TCF7L2: variants seen among roughly 807,000 people sequenced by gnomAD.
TCF7L2 encodes the protein transcription factor 7 like 2.
A neutral mutation model predicts 77.9 loss-of-function variants in TCF7L2; 23 were observed. That is an observed-to-expected ratio of 0.30 (90% CI 0.21 to 0.42). TCF7L2 has a LOEUF of 0.42. Ranked by LOEUF, TCF7L2 falls within the 10% of genes least tolerant of loss-of-function variation. The pLI, the probability that TCF7L2 is intolerant of heterozygous loss-of-function variation, is 1.00. For synonymous variants in TCF7L2, 413 were observed against 340.2 expected, an observed-to-expected ratio of 1.21 and a Z score of -2.36; for missense variants, 654 against 793.1, an observed-to-expected ratio of 0.82 and a Z score of 2.11.
chr10:113,141,361 G>A (rs1391824579), intron 6 of TCF7L2, 45 bp downstream of exon 6: 3 of 1,612,942 alleles, frequency 1.9e-6, no homozygotes, highest in African/African-American at 1.3e-5. Context: ...TGGTCCTGGG[G>A]TTCTGGGGGA....
intron 4 of TCF7L2, among the ~76,000 whole-genome samples, chr10:113,004,776 G>A (rs1467256740): frequency 2.0e-5 from 3 of 151,930 alleles, no homozygotes; most frequent in South Asian, 2.1e-4. Flanking sequence ...GGGTTCAAGC[G>A]ATTCTCCTGC....
At chr10:112,966,736 T>G (rs1018664322) in intron 4 of TCF7L2, among the ~76,000 whole-genome samples, 1 of 152,204 alleles carries the variant, frequency 6.6e-6, no homozygotes, top group Admixed American at 6.5e-5. Flanking sequence ...GAGCAGTTCG[T>G]CTTTCTCCAA....
chr10:113,054,040 C>T (rs558899480), intron 5 of TCF7L2, among the ~76,000 whole-genome samples: 3 of 152,160 alleles, frequency 2.0e-5, no homozygotes, highest in East Asian at 1.9e-4. Flanking sequence ...AGGCTGGTGC[C>T]GGTCAGGCTA....
At chr10:113,137,598 A>G (rs1009262658) in intron 5 of TCF7L2, among the ~76,000 whole-genome samples, 1 of 152,220 alleles carries the variant, frequency 6.6e-6, no homozygotes, top group African/African-American at 2.4e-5. Flanking sequence ...GCACAGTTGT[A>G]ATTGAGATAG....
intron 5 of TCF7L2, among the ~76,000 whole-genome samples, chr10:113,052,444 A>T (rs141430193): frequency 1.3e-5 from 2 of 152,236 alleles, no homozygotes; most frequent in Admixed American, 6.5e-5. Context: ...TACTGGATCT[A>T]TCGGAGCCCT....
intron 7 of TCF7L2, among the ~76,000 whole-genome samples, chr10:113,144,322 C>T (rs894404277): frequency 1.3e-5 from 2 of 152,108 alleles, no homozygotes; most frequent in Non-Finnish European, 2.9e-5. Context: ...CCCTGCAGTT[C>T]CTTTGGGAAT....
At chr10:113,098,049 C>CAAAAAAAAAAA (rs34632183) in intron 5 of TCF7L2, among the ~76,000 whole-genome samples, 3 of 59,368 alleles carry the variant, frequency 5.1e-5, no homozygotes, top group African/African-American at 2.1e-4. Flanking sequence ...GACTCTGTCT[C>CAAAAAAAAAAA]AAAAAAAAAA....
chr10:112,956,344 CTTTTTTT>C (rs10711698), intron 3 of TCF7L2, among the ~76,000 whole-genome samples: 10 of 112,242 alleles, frequency 8.9e-5, no homozygotes, highest in East Asian at 2.7e-4. Context: ...AGTGATTTAC[CTTTTTTT>C]TTTTTTTTTT....
intron 3 of TCF7L2, chr10:112,951,856 G>C (rs1564700191): frequency 6.4e-6 from 1 of 156,440 alleles, no homozygotes; most frequent in Non-Finnish European, 1.4e-5. Context: ...TGATGTTGGG[G>C]AGACCTCTCT....
At chr10:113,098,766 C>A (rs2135835161) in intron 5 of TCF7L2, among the ~76,000 whole-genome samples, 1 of 152,248 alleles carries the variant, frequency 6.6e-6, no homozygotes, top group South Asian at 2.1e-4. Context: ...TTGACTTTTT[C>A]TTTTGGTCTC....
rs143028927 is a variant in TCF7L2 at position 113,085,557 on chromosome 10, G to C, written c.552+45431G>C. 5.7e-4 allele frequency among the ~76,000 whole-genome samples: 87 copies of C among 152,318 alleles called. 1 individual carries two copies. The East Asian group carries it at 0.014, about 25-fold the overall frequency. On this transcript the variant is annotated intron_variant, in intron 5 of 13. Coordinates refer to ENST00000627217, the MANE Select transcript of TCF7L2 (RefSeq NM_001146274.2). ...TGCATTAGCGTTTGAATATTACCCA[G>C]CTAGTTGTGGAGTGGGGCAGTAAGC... is the stretch of plus-strand genomic sequence containing the variant.
At position 113,028,203 on chromosome 10, in the gene TCF7L2, T is replaced by C. The variant is rs2049550566; in HGVS notation, c.451-11822T>C. Among the ~76,000 whole-genome samples, 3 of 152,198 alleles carry C rather than the reference T, an allele frequency of 2.0e-5. No individual in the cohort carries two copies. In the South Asian group the frequency reaches 6.2e-4, roughly 32 times the overall value. ...TGGGAGAGAATGTTTATTTCCTTGC[T>C]CTCTAGGAGGGATTTGGAAAGAGCC... On this transcript the variant is annotated intron_variant, in intron 4 of 13. Coordinates refer to ENST00000627217, the MANE Select transcript of TCF7L2 (RefSeq NM_001146274.2).
intron 5 of TCF7L2, chr10:113,133,358 TCCTCCATCCCAACA>T (rs2066901097): frequency 6.6e-6 from 1 of 152,180 alleles, no homozygotes; most frequent in African/African-American, 2.4e-5. Flanking sequence ...GTTCCTCTAT[TCCTCCATCCCAACA>T]CCTCCAGCCC....
intron 7 of TCF7L2, 90 bp downstream of exon 7, chr10:113,144,115 TG>T: frequency 1.1e-6 from 1 of 903,702 alleles, no homozygotes; most frequent in Non-Finnish European, 1.6e-6. Context: ...TGTGTGTGTG[TG>T]TGTGTGTGTG....
rs933475716 is a variant in TCF7L2 at position 112,950,864 on chromosome 10, G to C, written c.108G>C (p.Ser36=). ...AGGAGAAGAGCTCCGAAAACTCCTC[G>C]GCAGAGAGGGATTTAGCTGATGTCA... is the stretch of plus-strand genomic sequence containing the variant. Residue 36 remains serine (S), a synonymous_variant, in exon 1 of 14, where the codon TCG becomes TCC. Coordinates refer to ENST00000627217, the MANE Select transcript of TCF7L2 (RefSeq NM_001146274.2). 6.2e-7 allele frequency: 1 copy of C among 1,611,268 alleles called. No individual in the cohort carries two copies. Among genetic ancestry groups the C allele is most frequent in the South Asian group, 1.1e-5 (1 of 90,450 alleles).
At chr10:113,142,361 G>A (rs2068534955) in intron 6 of TCF7L2, among the ~76,000 whole-genome samples, 1 of 152,196 alleles carries the variant, frequency 6.6e-6, no homozygotes, top group Admixed American at 6.5e-5. Context: ...GGAAGGTGGG[G>A]TTACTTGTAG....
At chr10:113,083,777 T>G (rs963281928) in intron 5 of TCF7L2, among the ~76,000 whole-genome samples, 2 of 152,234 alleles carry the variant, frequency 1.3e-5, no homozygotes, top group Admixed American at 1.3e-4. Flanking sequence ...CTTTGCTTTT[T>G]TAGTGGAATG....
At chr10:113,003,087 G>A (rs1422902690) in intron 4 of TCF7L2, among the ~76,000 whole-genome samples, 2 of 152,218 alleles carry the variant, frequency 1.3e-5, no homozygotes, top group Non-Finnish European at 2.9e-5. Flanking sequence ...AGGCAGGCCT[G>A]ATTATGTATG....
chr10:113,043,439 A>G lies in TCF7L2; in HGVS notation c.552+3313A>G, dbSNP rs140739024. Among the ~76,000 whole-genome samples the G allele has an allele frequency of 2.8e-3, 427 of 152,350 alleles. 7 individuals are homozygous for G. The highest frequency in any genetic ancestry group is 9.0e-3 in the Admixed American group (137 of 15,300). ...TTTTAGTTCCTGTAGCTGATATAGC[A>G]TCTCATTTGTTATATAATCCAGTGA... On this transcript the variant is annotated intron_variant, in intron 5 of 13. Transcript: ENST00000627217.
Sources: allele counts gnomAD v4.1 joint callset (sites outside exome capture counted in the v4.1 genomes callset), GRCh38; gene constraint gnomAD v4.1.1; transcripts MANE v1.5; gene names NCBI Gene and HGNC (gene_info 2026-07-23, HGNC 2026-07-21).